Variants in FAAH2 observed in about 807,000 individuals in gnomAD.
The protein encoded by FAAH2 is fatty acid amide hydrolase 2.
A neutral mutation model predicts 36.9 loss-of-function variants in FAAH2; 60 were observed. The observed-to-expected ratio is 1.63, with a 90% confidence interval of 1.32 to 2.02. The LOEUF is 2.02. Ranked by LOEUF, FAAH2 falls within the 30% of genes most tolerant of loss-of-function variation. The pLI is 0.00. For synonymous variants in FAAH2, 214 were observed against 143.8 expected (o/e 1.49, Z -3.49); for missense variants, 689 against 397.5 (o/e 1.73, Z -6.23).
At chrX:57,251,639 T>C in the FAAH2 span, among the ~76,000 whole-genome samples, 2 of 111,953 alleles carry the variant, frequency 1.8e-5, no homozygotes, top group African/African-American at 6.5e-5. Context: ...ACAAATTCCA[T>C]GAAGCTGCTG....
intron 10 of FAAH2, among the ~76,000 whole-genome samples, chrX:57,486,324 G>A (rs767357646): frequency 1.8e-5 from 2 of 111,405 alleles, no homozygotes; most frequent in South Asian, 7.6e-4. Context: ...AGTGTTAGTG[G>A]GATTGTCATA....
At chrX:57,385,354 T>C (rs1049707171) in intron 7 of FAAH2, among the ~76,000 whole-genome samples, 2 of 110,817 alleles carry the variant, frequency 1.8e-5, no homozygotes, top group African/African-American at 6.6e-5. Flanking sequence ...TATTCTATCT[T>C]TGTTTTCTGC....
At chrX:57,464,903 C>G (rs766778105) in intron 10 of FAAH2, among the ~76,000 whole-genome samples, 3 of 111,381 alleles carry the variant, frequency 2.7e-5, no homozygotes, top group Admixed American at 9.6e-5. Flanking sequence ...GCAATAGAAT[C>G]ATTCTTTTAT....
chrX:57,252,782 G>T, the FAAH2 span, among the ~76,000 whole-genome samples: 1 of 112,375 alleles, frequency 8.9e-6, no homozygotes, highest in African/African-American at 3.2e-5. Context: ...AATAACAAAG[G>T]TAGATAAAAC....
chrX:57,183,875 G>A, the FAAH2 span, among the ~76,000 whole-genome samples: 11 of 110,807 alleles, frequency 9.9e-5, no homozygotes, highest in African/African-American at 2.6e-4. Flanking sequence ...ATAAATGGAC[G>A]TGCAAGTAGG....
At chrX:57,343,557 C>T (rs972508787) in intron 5 of FAAH2, among the ~76,000 whole-genome samples, 1 of 111,283 alleles carries the variant, frequency 9.0e-6, no homozygotes, top group African/African-American at 3.3e-5. Flanking sequence ...TATTTTCTCC[C>T]ATTCTGTAGA....
chrX:57,255,799 A>G, the FAAH2 span, among the ~76,000 whole-genome samples: 1 of 111,947 alleles, frequency 8.9e-6, no homozygotes, highest in African/African-American at 3.3e-5. Context: ...ACAATATATG[A>G]CAAACCCACA....
At chrX:57,446,446 C>A (rs985632784) in intron 8 of FAAH2, among the ~76,000 whole-genome samples, 1 of 111,975 alleles carries the variant, frequency 8.9e-6, no homozygotes, top group Non-Finnish European at 1.9e-5. Context: ...ATATACCATG[C>A]AATGTGCCTA....
chrX:57,143,411 C>A, the FAAH2 span, among the ~76,000 whole-genome samples: 1 of 110,384 alleles, frequency 9.1e-6, no homozygotes, highest in Admixed American at 9.7e-5. Context: ...TAACTCCATC[C>A]CCCCTTACGA....
chrX:57,427,627 C>A (rs182218715), intron 7 of FAAH2, among the ~76,000 whole-genome samples: 1 of 111,497 alleles, frequency 9.0e-6, no homozygotes, highest in Admixed American at 9.5e-5. Flanking sequence ...AAGTAATTCA[C>A]CACATAAACA....
intron 8 of FAAH2, among the ~76,000 whole-genome samples, chrX:57,437,017 A>T (rs142649163): frequency 1.6e-3 from 180 of 111,405 alleles, no homozygotes; most frequent in African/African-American, 5.8e-3. Flanking sequence ...ACATCATAAC[A>T]AAAAGATAAT....
At chrX:57,244,853 T>C in the FAAH2 span, among the ~76,000 whole-genome samples, 1 of 111,317 alleles carries the variant, frequency 9.0e-6, no homozygotes, top group Non-Finnish European at 1.9e-5. Flanking sequence ...AGCATCATAA[T>C]GACAGGTTCA....
the FAAH2 span, among the ~76,000 whole-genome samples, chrX:57,182,982 G>T: frequency 9.0e-6 from 1 of 110,717 alleles, no homozygotes; most frequent in African/African-American, 3.3e-5. Context: ...GTAAGTGGAA[G>T]CTAAATGATG....
At chrX:57,408,601 A>G (rs1391894553) in intron 7 of FAAH2, among the ~76,000 whole-genome samples, 2 of 109,107 alleles carry the variant, frequency 1.8e-5, no homozygotes, top group Admixed American at 9.9e-5. Flanking sequence ...TTCCAGTGAC[A>G]TGTTGAATAG....
At chrX:57,261,552 C>CAAAAAA in the FAAH2 span, among the ~76,000 whole-genome samples, 5 of 23,384 alleles carry the variant, frequency 2.1e-4, no homozygotes, top group East Asian at 1.4e-3. Context: ...GACTCTGTCT[C>CAAAAAA]AAAAAAAAAA....
chrX:57,313,923 C>A (rs2052764422), intron 3 of FAAH2, among the ~76,000 whole-genome samples: 1 of 110,869 alleles, frequency 9.0e-6, no homozygotes, highest in Non-Finnish European at 1.9e-5. Flanking sequence ...ACTAAATGTC[C>A]CAATTAAAAT....
intron 7 of FAAH2, among the ~76,000 whole-genome samples, chrX:57,384,197 G>A (rs1308574038): frequency 9.2e-6 from 1 of 109,024 alleles, no homozygotes; most frequent in Non-Finnish European, 1.9e-5. Flanking sequence ...AGACTTAAAT[G>A]TTAGACCTAA....
chrX:57,290,198 C>CTT (rs767292820), intron 1 of FAAH2: 2,640 of 544,924 alleles, frequency 4.8e-3, no homozygotes, highest in South Asian at 5.4e-3. Flanking sequence ...CTAACCCCTG[C>CTT]TTTTTTTTTT....
chrX:57,378,141 G>A (rs947565753), intron 5 of FAAH2, among the ~76,000 whole-genome samples: 4 of 111,965 alleles, frequency 3.6e-5, no homozygotes, highest in Non-Finnish European at 7.5e-5. Flanking sequence ...ATAAGCAGAG[G>A]AAATGGCATA....
Sources: gnomAD v4.1 joint callset for allele counts (sites outside exome capture counted in the v4.1 genomes callset) on GRCh38, gnomAD v4.1.1 for gene constraint, MANE v1.5 for transcripts, NCBI Gene and HGNC (gene_info 2026-07-23, HGNC 2026-07-21) for gene names.